Variants in RBFOX1 observed in about 807,000 individuals in gnomAD.
RBFOX1 encodes RNA binding fox-1 homolog 1.
Under a neutral mutation model 57.7 loss-of-function variants are expected in RBFOX1, and 8 were observed. That is an observed-to-expected ratio of 0.14 (90% CI 0.08 to 0.25). The LOEUF is 0.25. Among genes scored for constraint, RBFOX1 ranks in the 10% least tolerant of loss-of-function variants. The pLI is 1.00. For synonymous variants in RBFOX1, 326 were observed against 222.4 expected (o/e 1.47, Z -4.15); for missense variants, 611 against 548.5 (o/e 1.11, Z -1.14).
At chr16:5,952,550 G>A (rs1199060792) in intron 4 of RBFOX1, among the ~76,000 whole-genome samples, 1 of 152,158 alleles carries the variant, frequency 6.6e-6, no homozygotes, top group Non-Finnish European at 1.5e-5. Context: ...GCCTTCCAAA[G>A]TGCTAAGATT....
intron 1 of RBFOX1, among the ~76,000 whole-genome samples, chr16:5,434,144 C>A (rs573910): frequency 6.6e-6 from 1 of 151,982 alleles, no homozygotes; most frequent in Non-Finnish European, 1.5e-5. Flanking sequence ...GTCATAGCTG[C>A]GTTTTGTTTT....
chr16:6,051,713 G>T (rs1487434723), intron 1 of RBFOX1, among the ~76,000 whole-genome samples: 1 of 152,064 alleles, frequency 6.6e-6, no homozygotes, highest in African/African-American at 2.4e-5. Flanking sequence ...ACAGGCTCCT[G>T]CCACCATGCC....
At position 6,011,855 on chromosome 16, in the gene RBFOX1, C is replaced by G. The variant is rs186852888; in HGVS notation, c.351+144520C>G. On this transcript the variant is annotated intron_variant, in intron 4 of 19. Transcript: ENST00000641259. ...CTGGGTTATCATGGACAGTGGTGAT[C>G]TTGTCATCTTTGTTAGTTTGAGGTA... is the stretch of plus-strand genomic sequence containing the variant. Among the ~76,000 whole-genome samples the G allele has an allele frequency of 2.0e-5, 3 of 152,258 alleles. No individual in the cohort carries two copies. The East Asian group carries it at 5.8e-4, about 29-fold the overall frequency.
At chr16:7,216,120 A>C (rs1369148450) in intron 4 of RBFOX1, among the ~76,000 whole-genome samples, 1 of 152,152 alleles carries the variant, frequency 6.6e-6, no homozygotes, top group Non-Finnish European at 1.5e-5. Context: ...CATGTTATAG[A>C]TGCGTTGCCA....
chr16:7,108,448 A>G (rs571019558), intron 4 of RBFOX1, among the ~76,000 whole-genome samples: 6 of 152,318 alleles, frequency 3.9e-5, no homozygotes, highest in Admixed American at 1.3e-4. Context: ...TAGGTATACA[A>G]TTGATTCATC....
At chr16:7,090,308 C>G (rs958653185) in intron 4 of RBFOX1, among the ~76,000 whole-genome samples, 4 of 152,188 alleles carry the variant, frequency 2.6e-5, no homozygotes, top group African/African-American at 9.6e-5. Flanking sequence ...ATGCACCTAT[C>G]TGTGTTAATA....
At chr16:5,918,572 C>A (rs1173060017) in intron 4 of RBFOX1, among the ~76,000 whole-genome samples, 1 of 152,204 alleles carries the variant, frequency 6.6e-6, no homozygotes, top group African/African-American at 2.4e-5. Flanking sequence ...CTATCTATAA[C>A]AAAATTAGTC....
At chr16:7,166,267 G>T (rs192227885) in intron 4 of RBFOX1, among the ~76,000 whole-genome samples, 104 of 134,184 alleles carry the variant, frequency 7.8e-4, no homozygotes, top group African/African-American at 2.4e-3. Flanking sequence ...ACCCTTGTCG[G>T]ACTTCCCAAG....
intron 1 of RBFOX1, among the ~76,000 whole-genome samples, chr16:5,402,618 T>C (rs2066746392): frequency 6.6e-6 from 1 of 152,252 alleles, no homozygotes; most frequent in African/African-American, 2.4e-5. Context: ...TACAGTCATA[T>C]GATTCGCAAG....
intron 1 of RBFOX1, among the ~76,000 whole-genome samples, chr16:5,428,735 G>A (rs532481512): frequency 6.6e-6 from 1 of 152,220 alleles, no homozygotes; most frequent in Non-Finnish European, 1.5e-5. Flanking sequence ...ATGGAGAGGA[G>A]GCCAGGAGGT....
chr16:7,353,685 A>T (rs979422125), intron 4 of RBFOX1, among the ~76,000 whole-genome samples: 3 of 152,230 alleles, frequency 2.0e-5, no homozygotes, highest in Non-Finnish European at 4.4e-5. Context: ...ATGTTGTACT[A>T]AGTGAGTGAA....
At chr16:6,505,203 A>G (rs936455860) in intron 2 of RBFOX1, among the ~76,000 whole-genome samples, 1 of 152,226 alleles carries the variant, frequency 6.6e-6, no homozygotes, top group African/African-American at 2.4e-5. Flanking sequence ...GTATTCCTTA[A>G]AGCTCTTGAT....
At chr16:6,700,052 C>G (rs1454562464) in intron 3 of RBFOX1, among the ~76,000 whole-genome samples, 1 of 152,170 alleles carries the variant, frequency 6.6e-6, no homozygotes, top group Non-Finnish European at 1.5e-5. Flanking sequence ...AGCTTAAAAC[C>G]TCTCTCTCAT....
At chr16:6,798,597 C>A (rs1028826982) in intron 3 of RBFOX1, among the ~76,000 whole-genome samples, 1 of 152,202 alleles carries the variant, frequency 6.6e-6, no homozygotes, top group South Asian at 2.1e-4. Context: ...TTCAAAGACA[C>A]ATATATCTGT....
At chr16:6,088,548 C>G (rs547141498) in intron 1 of RBFOX1, among the ~76,000 whole-genome samples, 1 of 151,522 alleles carries the variant, frequency 6.6e-6, no homozygotes, top group East Asian at 1.9e-4. Flanking sequence ...TTCCTTCCTT[C>G]TGCATTTATT....
At chr16:5,961,765 C>T (rs1259131040) in intron 4 of RBFOX1, among the ~76,000 whole-genome samples, 1 of 152,148 alleles carries the variant, frequency 6.6e-6, no homozygotes, top group Non-Finnish European at 1.5e-5. Context: ...CGGCCTCAAG[C>T]AGTCCTCCTG....
chr16:6,869,455 C>T (rs1336248776), intron 3 of RBFOX1, among the ~76,000 whole-genome samples: 4 of 126,834 alleles, frequency 3.2e-5, no homozygotes, highest in Admixed American at 8.7e-5. Flanking sequence ...GAAGGAGTTC[C>T]CTTACTGTCT....
At chr16:5,849,266 C>G (rs1597480173) in intron 3 of RBFOX1, among the ~76,000 whole-genome samples, 1 of 152,032 alleles carries the variant, frequency 6.6e-6, no homozygotes, top group African/African-American at 2.4e-5. Context: ...CGATGGAGTG[C>G]CCTGATTTTA....
chr16:7,001,314 A>C (rs888291777), intron 3 of RBFOX1, among the ~76,000 whole-genome samples: 2 of 151,832 alleles, frequency 1.3e-5, no homozygotes, highest in Admixed American at 1.3e-4. Context: ...TTCCTGGTCA[A>C]CTTATGTATT....
Sources: allele counts gnomAD v4.1 joint callset (sites outside exome capture counted in the v4.1 genomes callset), GRCh38; gene constraint gnomAD v4.1.1; transcripts MANE v1.5; gene names NCBI Gene and HGNC (gene_info 2026-07-23, HGNC 2026-07-21).